TMEM182: variants seen among roughly 807,000 people sequenced by gnomAD.
The protein encoded by TMEM182 is transmembrane protein 182.
In TMEM182, 20 loss-of-function variants were observed where a neutral mutation model predicts 26.8. The ratio of observed to expected loss-of-function variants is 0.75; its 90% CI spans 0.53 to 1.09. The LOEUF (loss-of-function observed/expected upper bound fraction) is 1.09, where lower values mean the gene tolerates loss of function less well. TMEM182 is among the 50% of genes least tolerant of loss of function. TMEM182 has a pLI of 0.00. For synonymous variants in TMEM182, 109 were observed against 102.2 expected (o/e 1.07, Z -0.40); for missense variants, 277 against 275.5 (o/e 1.01, Z -0.04).
intron 4 of TMEM182, among the ~76,000 whole-genome samples, chr2:102,809,491 T>A (rs1299185830): frequency 6.6e-6 from 1 of 152,204 alleles, no homozygotes; most frequent in Non-Finnish European, 1.5e-5. Flanking sequence ...ACCTGCTGCC[T>A]TCTAGGCAGC....
At chr2:102,840,186 A>G (rs1683322319) in intron 3 of TMEM182, among the ~76,000 whole-genome samples, 1 of 152,204 alleles carries the variant, frequency 6.6e-6, no homozygotes, top group South Asian at 2.1e-4. Context: ...TTTTGAGCAC[A>G]TCTCGAAGGG....
chr2:102,738,951 G>A (rs899080531), intron 1 of TMEM182, among the ~76,000 whole-genome samples: 2 of 152,194 alleles, frequency 1.3e-5, no homozygotes, highest in African/African-American at 4.8e-5. Flanking sequence ...TGACTTGCAA[G>A]CCTAATACTC....
At chr2:102,836,608 G>T (rs1360722317) in intron 3 of TMEM182, among the ~76,000 whole-genome samples, 1 of 152,148 alleles carries the variant, frequency 6.6e-6, no homozygotes, top group African/African-American at 2.4e-5. Context: ...TGCATAACTT[G>T]CCCAAGATTC....
chr2:102,808,008 A>C (rs994482886), intron 4 of TMEM182, among the ~76,000 whole-genome samples: 1 of 152,182 alleles, frequency 6.6e-6, no homozygotes, highest in African/African-American at 2.4e-5. Flanking sequence ...TGCAGGGCTA[A>C]AGTCAAATCA....
In TMEM182 at chr2:102,816,214, A is replaced by G. The variant is rs2104760962; in HGVS notation, c.*1246A>G. On this transcript the variant is annotated 3_prime_UTR_variant, in exon 5 of 5. Transcript: ENST00000412401. ...TCGTATTTGCATTCTGGAAGCCTCCATCGCAGGGGAGCTCGGCAGGGTATG... is the reference window on the plus strand; with the variant it reads ...TCGTATTTGCATTCTGGAAGCCTCCGTCGCAGGGGAGCTCGGCAGGGTATG... 1.0e-6 allele frequency: 1 copy of G among 985,412 alleles called. No homozygotes were observed. The highest frequency in any genetic ancestry group is 5.2e-4 in the Middle Eastern group (1 of 1,914). The allele number at this position is 985,412 out of a possible 1,614,324, so 61.0% of individuals were successfully genotyped here.
intron 3 of TMEM182, among the ~76,000 whole-genome samples, chr2:102,787,801 T>C (rs180920795): frequency 1.3e-5 from 2 of 152,300 alleles, no homozygotes; most frequent in East Asian, 3.9e-4. Flanking sequence ...TGAATTAAAA[T>C]CTTGAACCTA....
At chr2:102,772,553 G>C (rs748392317) in intron 3 of TMEM182, among the ~76,000 whole-genome samples, 1 of 152,026 alleles carries the variant, frequency 6.6e-6, no homozygotes, top group African/African-American at 2.4e-5. Flanking sequence ...TCCTTCTTTC[G>C]GGGACTAGAT....
chr2:102,736,955 G>A, exon 1 of TMEM182: 1 of 987,820 alleles, frequency 1.0e-6, no homozygotes, highest in South Asian at 1.7e-5. Context: ...GTGCGTGGCC[G>A]GTGCTGGCTG....
intron 3 of TMEM182, among the ~76,000 whole-genome samples, chr2:102,767,004 A>C (rs114442513): frequency 6.6e-6 from 1 of 152,234 alleles, no homozygotes; most frequent in Non-Finnish European, 1.5e-5. Context: ...CTCTGTCTTC[A>C]TACAGCTGCT....
At chr2:102,835,945 G>A (rs1485486512) in intron 3 of TMEM182, among the ~76,000 whole-genome samples, 1 of 151,304 alleles carries the variant, frequency 6.6e-6, no homozygotes, top group Non-Finnish European at 1.5e-5. Flanking sequence ...AGAACATGCG[G>A]TGTTTGGTTT....
At chr2:102,764,518 A>G in intron 3 of TMEM182, 91 bp downstream of exon 3, 1 of 987,060 alleles carries the variant, frequency 1.0e-6, no homozygotes, top group Non-Finnish European at 1.5e-6. Context: ...AATTAAAAAA[A>G]TAATTTAAGA....
rs544000604 is a variant in TMEM182 at position 102,797,727 on chromosome 2, C to A, written c.332-136C>A. 3 of 1,058,456 alleles carry A rather than the reference C, an allele frequency of 2.8e-6. 1 individual carries two copies. In the Admixed American group the frequency reaches 8.9e-5, roughly 32 times the overall value. The allele number at this position is 1,058,456 out of a possible 1,614,324, so 65.6% of individuals were successfully genotyped here. The stretch of plus-strand genomic sequence containing the variant: ...AGATCTCCTGTTTGTTCAGACCCAT[C>A]CCTGGCATTCTATCTAGCAGTGCCA... On this transcript the variant is annotated intron_variant, in intron 3 of 4. Transcript: ENST00000412401.
intron 1 of TMEM182, among the ~76,000 whole-genome samples, chr2:102,753,184 GT>G (rs1558752806): frequency 8.5e-5 from 10 of 118,274 alleles, no homozygotes; most frequent in Admixed American, 7.0e-4. Context: ...TAACAAATGA[GT>G]TTTAAGCTTC....
intron 3 of TMEM182, among the ~76,000 whole-genome samples, chr2:102,774,250 C>CTTTTTTTTTT (rs774047240): frequency 2.4e-4 from 23 of 96,132 alleles, no homozygotes; most frequent in African/African-American, 4.3e-4. Context: ...TTCTTTCTTT[C>CTTTTTTTTTT]TTTTTTTTTT....
chr2:102,839,969 G>A (rs1683316305), intron 3 of TMEM182, among the ~76,000 whole-genome samples: 2 of 152,302 alleles, frequency 1.3e-5, no homozygotes, highest in South Asian at 4.1e-4. Context: ...TGGGAGTGTA[G>A]AATTGTTTTG....
chr2:102,770,655 TG>T (rs746090272), intron 3 of TMEM182, among the ~76,000 whole-genome samples: 1 of 152,082 alleles, frequency 6.6e-6, no homozygotes, highest in Non-Finnish European at 1.5e-5. Flanking sequence ...TGTATCAGAA[TG>T]ATGGGAATGT....
intron 4 of TMEM182, among the ~76,000 whole-genome samples, chr2:102,802,126 G>A (rs903126575): frequency 1.3e-5 from 2 of 152,192 alleles, no homozygotes; most frequent in Admixed American, 1.3e-4. Context: ...AACAGAATTG[G>A]ACGCTGTCTG....
At position 102,762,115 on chromosome 2, in the gene TMEM182, T is replaced by G; in HGVS notation, c.-103T>G. On this transcript the variant is annotated 5_prime_UTR_variant, in exon 1 of 5. Transcript: ENST00000412401. ...CAAGAAGATTCTGCCAACTCAAAAA[T>G]ATTATTCTTTTTTTTTTTTTTTTGC... 1 of 1,049,112 alleles carries G rather than the reference T, an allele frequency of 9.5e-7. No individual in the cohort carries two copies. 65.0% of individuals were successfully genotyped at this position (1,049,112 alleles called of 1,614,324 possible).
At chr2:102,773,190 G>C (rs1249185796) in intron 3 of TMEM182, among the ~76,000 whole-genome samples, 2 of 151,840 alleles carry the variant, frequency 1.3e-5, no homozygotes, top group African/African-American at 2.4e-5. Flanking sequence ...AGGTTCTGGG[G>C]AACAGTAGTC....
Sources: allele counts gnomAD v4.1 joint callset (sites outside exome capture counted in the v4.1 genomes callset), GRCh38; gene constraint gnomAD v4.1.1; transcripts MANE v1.5; gene names NCBI Gene and HGNC (gene_info 2026-07-23, HGNC 2026-07-21).